Variants in GPC6 observed in about 807,000 individuals in gnomAD.
GPC6 encodes glypican 6.
In GPC6, 14 loss-of-function variants were observed where a neutral mutation model predicts 55.2. That is an observed-to-expected ratio of 0.25 (90% CI 0.17 to 0.40). The LOEUF (loss-of-function observed/expected upper bound fraction) is 0.40. Among genes scored for constraint, GPC6 ranks in the 10% least tolerant of loss-of-function variants. The probability of loss-of-function intolerance (pLI) is 1.00; values close to 1 mark genes in which losing one functional copy is unlikely to be tolerated. For missense variants in GPC6, 641 were observed against 708.5 expected (o/e 0.90, Z 1.08); for synonymous variants, 278 against 259.6 (o/e 1.07, Z -0.68).
At chr13:93,538,550 C>T (rs7322180) in intron 1 of GPC6, among the ~76,000 whole-genome samples, 8,808 of 152,226 alleles carry the variant, frequency 0.058, 834 homozygotes, top group African/African-American at 0.2. Context: ...CCAGGATCAG[C>T]GTTTTGCTGC....
intron 2 of GPC6, among the ~76,000 whole-genome samples, chr13:93,603,942 T>C (rs1878130615): frequency 6.6e-6 from 1 of 152,228 alleles, no homozygotes; most frequent in Non-Finnish European, 1.5e-5. Context: ...TTGTATTTCT[T>C]TGCAAAAAAT....
At chr13:93,493,497 A>G (rs1251028915) in intron 1 of GPC6, among the ~76,000 whole-genome samples, 1 of 110,790 alleles carries the variant, frequency 9.0e-6, no homozygotes, top group African/African-American at 3.3e-5. Flanking sequence ...TGATTTTTTG[A>G]TGGGTTTTTT....
At chr13:93,973,871 A>G (rs1880402936) in intron 3 of GPC6, among the ~76,000 whole-genome samples, 1 of 152,154 alleles carries the variant, frequency 6.6e-6, no homozygotes, top group African/African-American at 2.4e-5. Flanking sequence ...AAAGACAGAG[A>G]ACTAGATTTT....
intron 2 of GPC6, among the ~76,000 whole-genome samples, chr13:93,798,252 T>G (rs2138932998): frequency 6.6e-6 from 1 of 152,300 alleles, no homozygotes; most frequent in Admixed American, 6.5e-5. Flanking sequence ...AAAGTTGTAT[T>G]TTCTAATTGG....
chr13:93,841,178 G>T (rs57433205), intron 3 of GPC6, among the ~76,000 whole-genome samples: 4 of 152,052 alleles, frequency 2.6e-5, no homozygotes, highest in South Asian at 4.1e-4. Flanking sequence ...CAATATCAGC[G>T]CACTATAGAG....
At chr13:93,591,039 A>G (rs990747329) in intron 2 of GPC6, among the ~76,000 whole-genome samples, 1 of 152,058 alleles carries the variant, frequency 6.6e-6, no homozygotes, top group Non-Finnish European at 1.5e-5. Context: ...TTACTCTGTC[A>G]TAGGGAAAAT....
chr13:94,106,933 C>T (rs1886075012), intron 4 of GPC6, among the ~76,000 whole-genome samples: 1 of 152,098 alleles, frequency 6.6e-6, no homozygotes, highest in Admixed American at 6.6e-5. Flanking sequence ...TGGGTTCAGT[C>T]ATCACATTTA....
intron 1 of GPC6, among the ~76,000 whole-genome samples, chr13:93,261,800 T>A (rs1877156146): frequency 6.6e-6 from 1 of 152,096 alleles, no homozygotes; most frequent in African/African-American, 2.4e-5. Flanking sequence ...TTTTGAGGTG[T>A]CAACCTGGTA....
chr13:93,704,605 G>A (rs1882783366), intron 2 of GPC6, among the ~76,000 whole-genome samples: 1 of 151,844 alleles, frequency 6.6e-6, no homozygotes. Context: ...TTTACTCATG[G>A]AAGTCAATGC....
intron 2 of GPC6, among the ~76,000 whole-genome samples, chr13:93,823,698 T>C (rs1887133476): frequency 6.6e-6 from 1 of 152,188 alleles, no homozygotes; most frequent in South Asian, 2.1e-4. Context: ...ATTACTGGCA[T>C]TTTTAATTAG....
intron 2 of GPC6, among the ~76,000 whole-genome samples, chr13:93,575,895 G>A (rs139072335): frequency 6.6e-6 from 1 of 152,006 alleles, no homozygotes; most frequent in Non-Finnish European, 1.5e-5. Flanking sequence ...GCTGAGAGTT[G>A]CCAGCAATGT....
At chr13:93,473,002 C>G (rs771748200) in intron 1 of GPC6, among the ~76,000 whole-genome samples, 5 of 152,166 alleles carry the variant, frequency 3.3e-5, no homozygotes, top group Non-Finnish European at 7.3e-5. Context: ...CTAGTTGACC[C>G]ATCATCTGCT....
chr13:93,595,280 A>G (rs1242368112), intron 2 of GPC6, among the ~76,000 whole-genome samples: 1 of 152,212 alleles, frequency 6.6e-6, no homozygotes, highest in Non-Finnish European at 1.5e-5. Flanking sequence ...ATGAATTACA[A>G]TTTTTAAAAA....
intron 2 of GPC6, among the ~76,000 whole-genome samples, chr13:93,657,934 T>C (rs1356420007): frequency 6.6e-6 from 1 of 151,770 alleles, no homozygotes; most frequent in Non-Finnish European, 1.5e-5. Flanking sequence ...AATGGCTATT[T>C]AAAATAAAAA....
intron 4 of GPC6, among the ~76,000 whole-genome samples, chr13:94,214,860 A>G (rs1364728016): frequency 1.3e-5 from 2 of 152,212 alleles, no homozygotes; most frequent in African/African-American, 4.8e-5. Flanking sequence ...ATTTATTGAA[A>G]TAGATACACT....
At chr13:93,654,087 T>A (rs1880546850) in intron 2 of GPC6, among the ~76,000 whole-genome samples, 1 of 152,134 alleles carries the variant, frequency 6.6e-6, no homozygotes, top group South Asian at 2.1e-4. Flanking sequence ...AAATAACGGT[T>A]AGTTGGGACC....
chr13:93,959,432 G>A (rs1879665526), intron 3 of GPC6, among the ~76,000 whole-genome samples: 1 of 152,066 alleles, frequency 6.6e-6, no homozygotes, highest in Non-Finnish European at 1.5e-5. Context: ...CAGTGTGCTG[G>A]GATTACAGAT....
intron 5 of GPC6, among the ~76,000 whole-genome samples, chr13:94,301,281 C>T (rs1875635732): frequency 6.6e-6 from 1 of 152,130 alleles, no homozygotes; most frequent in African/African-American, 2.4e-5. Flanking sequence ...CCTGTGGTCC[C>T]AGCTACTCGG....
intron 2 of GPC6, among the ~76,000 whole-genome samples, chr13:93,567,229 A>C (rs113966996): frequency 1.3e-5 from 2 of 152,174 alleles, no homozygotes; most frequent in Non-Finnish European, 2.9e-5. Context: ...GCTGTAATAG[A>C]CACACAGGCC....
Sources: gnomAD v4.1 joint callset for allele counts (sites outside exome capture counted in the v4.1 genomes callset) on GRCh38, gnomAD v4.1.1 for gene constraint, MANE v1.5 for transcripts, NCBI Gene and HGNC (gene_info 2026-07-23, HGNC 2026-07-21) for gene names.